PRKN: variants seen among roughly 807,000 people sequenced by gnomAD.
PRKN encodes the protein E3 ubiquitin-protein ligase parkin.
Under a neutral mutation model 59.5 loss-of-function variants are expected in PRKN, and 56 were observed. The observed-to-expected ratio is 0.94, with a 90% confidence interval of 0.76 to 1.18. PRKN has a LOEUF of 1.18. PRKN is among the 50% of genes most tolerant of loss of function. The probability of loss-of-function intolerance (pLI) is 0.00; values close to 1 mark genes in which losing one functional copy is unlikely to be tolerated. For synonymous variants in PRKN, 250 were observed against 222.1 expected (o/e 1.13, Z -1.12); for missense variants, 657 against 596.4 (o/e 1.10, Z -1.06).
intron 3 of PRKN, among the ~76,000 whole-genome samples, chr6:162,227,965 A>G (rs2128084548): frequency 6.6e-6 from 1 of 151,940 alleles, no homozygotes; most frequent in South Asian, 2.1e-4. Flanking sequence ...CTACTTAGTG[A>G]CCTGAGTGAC....
chr6:161,532,191 T>C (rs7775920), intron 9 of PRKN, among the ~76,000 whole-genome samples: 8 of 141,948 alleles, frequency 5.6e-5, no homozygotes, highest in African/African-American at 1.8e-4. Context: ...TATATATATA[T>C]AATCTATCTA....
intron 2 of PRKN, among the ~76,000 whole-genome samples, chr6:162,303,297 T>C (rs1392456326): frequency 6.6e-6 from 1 of 152,190 alleles, no homozygotes; most frequent in Non-Finnish European, 1.5e-5. Context: ...CAAAGAACTT[T>C]GATTTTTGCC....
At chr6:162,191,806 C>A (rs1784286926) in intron 4 of PRKN, among the ~76,000 whole-genome samples, 1 of 152,172 alleles carries the variant, frequency 6.6e-6, no homozygotes. Flanking sequence ...CTGCCTTGCA[C>A]ACAGAATTGA....
Position 161,524,649 on chromosome 6 carries a change from G to A in PRKN, c.1083+24205C>T, listed in dbSNP as rs147006677. On this transcript the variant is annotated intron_variant, in intron 9 of 11. Transcript: ENST00000366898. ...GAATTCCAGAGGGATTATGCTTTTC[G>A]GAGCTGAATTTCCTCAAACAACCGT... Among the ~76,000 whole-genome samples, 659 of 152,148 alleles carry A rather than the reference G, an allele frequency of 4.3e-3. 7 individuals carry two copies. The highest frequency in any genetic ancestry group is 0.017 in the Middle Eastern group (5 of 294).
At chr6:161,532,186 AT>A (rs1779247492) in intron 9 of PRKN, among the ~76,000 whole-genome samples, 2 of 134,522 alleles carry the variant, frequency 1.5e-5, no homozygotes, top group African/African-American at 5.3e-5. Flanking sequence ...ATATATATAT[AT>A]ATATAATCTA....
chr6:162,119,557 G>A (rs1481206819), intron 4 of PRKN, among the ~76,000 whole-genome samples: 1 of 152,128 alleles, frequency 6.6e-6, no homozygotes, highest in Non-Finnish European at 1.5e-5. Context: ...GTCTGCTTGC[G>A]GTTTGTGTCA....
intron 7 of PRKN, among the ~76,000 whole-genome samples, chr6:161,718,324 C>T (rs1301083794): frequency 6.6e-6 from 1 of 152,086 alleles, no homozygotes; most frequent in Non-Finnish European, 1.5e-5. Context: ...CTGAGATGGG[C>T]ACTAAACATC....
At chr6:161,541,753 G>A (rs540366228) in intron 9 of PRKN, among the ~76,000 whole-genome samples, 41 of 152,160 alleles carry the variant, frequency 2.7e-4, no homozygotes, top group African/African-American at 8.0e-4. Context: ...CCTTGAAGGC[G>A]GAGGTGACAG....
chr6:162,192,464 T>G (rs75428235), intron 4 of PRKN, among the ~76,000 whole-genome samples: 11,410 of 140,098 alleles, frequency 0.081, 920 homozygotes, highest in Admixed American at 0.21. Flanking sequence ...TTTTTTTTTT[T>G]TTTTTTTAGA....
chr6:162,342,261 T>C (rs1784213074), intron 2 of PRKN, among the ~76,000 whole-genome samples: 1 of 152,168 alleles, frequency 6.6e-6, no homozygotes, highest in South Asian at 2.1e-4. Flanking sequence ...ATGGCCAACG[T>C]TTCCCTTCAA....
intron 4 of PRKN, among the ~76,000 whole-genome samples, chr6:162,102,195 C>G (rs971594692): frequency 3.9e-5 from 6 of 152,098 alleles, no homozygotes; most frequent in African/African-American, 9.7e-5. Flanking sequence ...TCCCCCCACC[C>G]ATCCCCCAGT....
chr6:161,859,560 G>A (rs1175180070), intron 6 of PRKN, among the ~76,000 whole-genome samples: 1 of 140,222 alleles, frequency 7.1e-6, no homozygotes, highest in Non-Finnish European at 1.5e-5. Context: ...TCAGTGAGTT[G>A]AGATCATGCC....
rs567559952 is a variant in PRKN, at chr6:161,376,486, C to T, written c.1167+10308G>A. 1.2e-3 allele frequency among the ~76,000 whole-genome samples: 190 copies of T among 152,272 alleles called. No individual in the cohort carries two copies. The highest frequency in any genetic ancestry group is 3.5e-4 in the Non-Finnish European group (24 of 68,016). On this transcript the variant is annotated intron_variant, in intron 10 of 11. Transcript: ENST00000366898. The surrounding 1 kb of genome is among the most constrained non-coding windows in gnomAD (Gnocchi z 7.3). Reference sequence around the variant, plus strand: ...TCTCCTCTCATCCTGTCTTCTAATCCACTGCCAAGTTCTGCAGATCCGACC... The same window carrying T: ...TCTCCTCTCATCCTGTCTTCTAATCTACTGCCAAGTTCTGCAGATCCGACC...
At chr6:162,572,227 T>C (rs11966654) in intron 1 of PRKN, among the ~76,000 whole-genome samples, 34,118 of 152,014 alleles carry the variant, frequency 0.22, 4,601 homozygotes, top group African/African-American at 0.38. Flanking sequence ...TCCAGGAAAA[T>C]CCATATCCCA....
At chr6:162,707,390 C>G (rs1778374599) in intron 1 of PRKN, among the ~76,000 whole-genome samples, 1 of 152,052 alleles carries the variant, frequency 6.6e-6, no homozygotes. Flanking sequence ...ACTCTCAGAA[C>G]AGAGTAATAC....
At chr6:161,806,767 T>A (rs1791344471) in intron 6 of PRKN, among the ~76,000 whole-genome samples, 1 of 152,222 alleles carries the variant, frequency 6.6e-6, no homozygotes, top group Non-Finnish European at 1.5e-5. Flanking sequence ...GCATTGGGGA[T>A]CTGGGGGAAT....
At chr6:161,665,576 C>T (rs904961943) in intron 7 of PRKN, among the ~76,000 whole-genome samples, 1 of 152,180 alleles carries the variant, frequency 6.6e-6, no homozygotes, top group African/African-American at 2.4e-5. Flanking sequence ...CTCTTCTTTA[C>T]TGCTTCTTCC....
intron 1 of PRKN, among the ~76,000 whole-genome samples, chr6:162,523,238 G>A (rs1452176878): frequency 6.6e-6 from 1 of 152,228 alleles, no homozygotes; most frequent in African/African-American, 2.4e-5. Flanking sequence ...TCACAGGACA[G>A]TGGGAGTCAA....
At chr6:162,418,859 G>A (rs1325992250) in intron 2 of PRKN, among the ~76,000 whole-genome samples, 1 of 150,802 alleles carries the variant, frequency 6.6e-6, no homozygotes, top group African/African-American at 2.5e-5. Context: ...CCCTTCTCAG[G>A]AGGAGGGGAG....
Sources: gnomAD v4.1 joint callset for allele counts (sites outside exome capture counted in the v4.1 genomes callset) on GRCh38, gnomAD v4.1.1 for gene constraint, Gnocchi (gnomAD v3.1) non-coding constraint, MANE v1.5 for transcripts, NCBI Gene and HGNC (gene_info 2026-07-23, HGNC 2026-07-21) for gene names.